The following LIX1L variants were observed in gnomAD, a reference collection of about 807,000 sequenced individuals.
LIX1L encodes the protein LIX1-like protein.
Under a neutral mutation model 34.0 loss-of-function variants are expected in LIX1L, and 20 were observed. The observed-to-expected ratio is 0.59, with a 90% CI of 0.41 to 0.85. The LOEUF (loss-of-function observed/expected upper bound fraction) is 0.85. LIX1L is among the 40% of genes least tolerant of loss of function. The pLI, the probability that LIX1L is intolerant of heterozygous loss-of-function variation, is 0.00. For synonymous variants in LIX1L, 170 were observed against 187.4 expected (o/e 0.91, Z 0.76); for missense variants, 397 against 447.0 (o/e 0.89, Z 1.01).
intron 1 of LIX1L, among the ~76,000 whole-genome samples, chr1:145,951,132 T>C (rs781886664): frequency 6.6e-5 from 10 of 152,162 alleles, no homozygotes; most frequent in Non-Finnish European, 5.9e-5. Context: ...CTGCAACCTC[T>C]ACCTCCCAGG....
chr1:145,957,944 G>A lies in LIX1L; in HGVS notation c.-17C>T. The A allele has an allele frequency of 1.4e-6, 2 of 1,451,360 alleles. No homozygotes were observed. The highest frequency in any genetic ancestry group is 1.8e-6 in the Non-Finnish European group (2 of 1,101,422). 89.9% of individuals were successfully genotyped at this position (1,451,360 alleles called of 1,614,324 possible). ...AGTCTCCATCCCGGCCGCCAATGGAGTAGCGCCCCGGAGCCTGCCAGCCTG... is the reference window on the plus strand; with the variant it reads ...AGTCTCCATCCCGGCCGCCAATGGAATAGCGCCCCGGAGCCTGCCAGCCTG... On this transcript the variant is annotated 5_prime_UTR_variant, in exon 1 of 6. Transcript: ENST00000604000.
At chr1:145,945,496 C>T (rs1325674374) in intron 2 of LIX1L, among the ~76,000 whole-genome samples, 1 of 151,924 alleles carries the variant, frequency 6.6e-6, no homozygotes, top group African/African-American at 2.4e-5. Flanking sequence ...CCTGTAATTC[C>T]AGCACCTTGG....
intron 4 of LIX1L, 136 bp downstream of exon 4, chr1:145,937,468 T>C (rs1385916722): frequency 3.3e-6 from 2 of 605,450 alleles, no homozygotes; most frequent in Admixed American, 2.8e-5. Context: ...CAGGAAGGTA[T>C]TTATTTTTGA....
Position 145,947,623 on chromosome 1 carries a change from A to T in LIX1L, c.452T>A (p.Phe151Tyr), listed in dbSNP as rs1553759380. ...CTGCCACCTCACAACTCTTACCTGG[A>T]AACTCCCAAAGCAGCTTCCCCCAGG... ...TLPGGSCFGS[F>Y]QFCPTKAEAR... Residue 151 changes from phenylalanine (F) to tyrosine (Y), a missense_variant, in exon 2 of 6, where the codon TTC becomes TAC. Transcript: ENST00000604000. 1 of 1,613,836 alleles carries T rather than the reference A, an allele frequency of 6.2e-7. No individual in the cohort carries two copies.
At chr1:145,938,096 T>A (rs12027482) in intron 3 of LIX1L, among the ~76,000 whole-genome samples, 1 of 150,508 alleles carries the variant, frequency 6.6e-6, no homozygotes, top group Non-Finnish European at 1.5e-5. Context: ...CACTCCAGCC[T>A]GGACAACAGA....
Position 145,937,621 on chromosome 1 carries a change from A to G in LIX1L, c.676T>C (p.Ser226Pro). The change falls in exon 4 of 6, where the codon TCA (serine) becomes CCA (proline). Residue 226 changes from serine to proline, a missense_variant. Physicochemically the swap from Ser to Pro is moderately conservative, Grantham distance 74. Transcript: ENST00000604000. ...RFMLESNKGK[S>P]MLEFQELMTV... is the part of the protein sequence containing the mutation. The stretch of plus-strand genomic sequence containing the variant: ...GAAAGTACCTGGAACTCCAACATTG[A>G]TTTGCCCTTGTTGGATTCCAGCATG... 1 of 1,612,394 alleles carries G rather than the reference A, an allele frequency of 6.2e-7. No individual in the cohort carries two copies. The highest frequency in any genetic ancestry group is 8.5e-7 in the Non-Finnish European group (1 of 1,178,618).
intron 2 of LIX1L, among the ~76,000 whole-genome samples, chr1:145,945,194 G>A (rs968305071): frequency 4.6e-5 from 7 of 151,268 alleles, no homozygotes; most frequent in African/African-American, 1.2e-4. Context: ...TGTGGTGGCC[G>A]GAGGCAGAGG....
chr1:145,941,398 G>A (rs919920857), intron 3 of LIX1L, among the ~76,000 whole-genome samples: 24 of 151,522 alleles, frequency 1.6e-4, no homozygotes, highest in African/African-American at 5.6e-4. Context: ...GATTACAGGC[G>A]CCCACCACTG....
At chr1:145,946,686 C>G (rs1649124038) in intron 2 of LIX1L, among the ~76,000 whole-genome samples, 1 of 152,146 alleles carries the variant, frequency 6.6e-6, no homozygotes, top group South Asian at 2.1e-4. Context: ...AGAAGACAAA[C>G]ACAATCTTTG....
At position 145,957,774 on chromosome 1, in the gene LIX1L, G is replaced by T; in HGVS notation, c.154C>A (p.Pro52Thr). 7.4e-7 allele frequency: 1 copy of T among 1,346,190 alleles called. No individual in the cohort carries two copies. The highest frequency in any genetic ancestry group is 9.5e-7 in the Non-Finnish European group (1 of 1,057,456). 83.4% of individuals were successfully genotyped at this position (1,346,190 alleles called of 1,614,324 possible). The stretch of plus-strand genomic sequence containing the variant: ...CCAGACAGGAGCAGCGGCGGCGGGG[G>T]CGGTGCGGGAGGCGGCGGGGCAGGC... ...PPPAPPPPAP[P>T]PPPLLLSGAP... The change falls in exon 1 of 6, where the codon CCC (proline) becomes ACC (threonine). Residue 52 changes from proline (P) to threonine (T), a missense_variant. Around this residue, in one of 3 missense-constraint regions of LIX1L, gnomAD observed 207 missense variants for 205.2 expected, o/e 1.01. Coordinates refer to ENST00000604000, the MANE Select transcript of LIX1L (RefSeq NM_153713.3).
In LIX1L at chr1:145,947,602, C is replaced by T; in HGVS notation, c.456+17G>A. On this transcript the variant is annotated intron_variant, in intron 2 of 5. Transcript: ENST00000604000. ...TCTAAGCATTTACCTTTGCTACTGCCACCTCACAACTCTTACCTGGAAACT... is the reference window on the plus strand; with the variant it reads ...TCTAAGCATTTACCTTTGCTACTGCTACCTCACAACTCTTACCTGGAAACT... The T allele has an allele frequency of 6.2e-7, 1 of 1,612,528 alleles. No individual in the cohort carries two copies. The highest frequency in any genetic ancestry group is 1.3e-5 in the African/African-American group (1 of 75,012).
chr1:145,943,793 TG>T (rs1300912833), intron 2 of LIX1L, among the ~76,000 whole-genome samples: 1 of 151,812 alleles, frequency 6.6e-6, no homozygotes, highest in Non-Finnish European at 1.5e-5. Context: ...CCCAGCACTT[TG>T]GGAGGCCAAG....
intron 2 of LIX1L, among the ~76,000 whole-genome samples, chr1:145,944,041 C>T (rs1052584767): frequency 2.7e-5 from 4 of 150,468 alleles, no homozygotes; most frequent in Non-Finnish European, 5.9e-5. Context: ...GACTCTGTCT[C>T]TAAAAGAAAA....
In LIX1L at chr1:145,933,536, A is replaced by G. The variant is rs1228636364; in HGVS notation, c.*2774T>C. The G allele has an allele frequency of 6.6e-6, 1 of 152,202 alleles. No homozygotes were observed. The highest frequency in any genetic ancestry group is 2.4e-5 in the African/African-American group (1 of 41,450). The allele number at this position is 152,202 out of a possible 1,614,324, so 9.4% of individuals were successfully genotyped here. On this transcript the variant is annotated 3_prime_UTR_variant, in exon 6 of 6. Transcript: ENST00000604000. The stretch of plus-strand genomic sequence containing the variant: ...ACCAGAAGTGGACAGATCAGGAAAC[A>G]ATTTTTCTCAAGTTATTTGGGATCT...
chr1:145,952,687 C>T (rs1400049240), intron 1 of LIX1L, among the ~76,000 whole-genome samples: 2 of 151,990 alleles, frequency 1.3e-5, no homozygotes, highest in African/African-American at 2.4e-5. Flanking sequence ...TCTTGGCTCA[C>T]GGCAACCTCC....
At chr1:145,945,489 G>A (rs1649067557) in intron 2 of LIX1L, among the ~76,000 whole-genome samples, 1 of 152,062 alleles carries the variant, frequency 6.6e-6, no homozygotes, top group Admixed American at 6.6e-5. Flanking sequence ...GCTCACGCCT[G>A]TAATTCCAGC....
Position 145,958,006 on chromosome 1 carries a change from G to A in LIX1L, c.-79C>T. The A allele has an allele frequency of 9.7e-7, 1 of 1,029,756 alleles. No homozygotes were observed. Among genetic ancestry groups the A allele is most frequent in the Non-Finnish European group, 1.3e-6 (1 of 769,090 alleles). 63.8% of individuals were successfully genotyped at this position (1,029,756 alleles called of 1,614,324 possible). ...GTCCCAACCACCCCAGTCAGCTAGC[G>A]CCTGGGGACTCAGGGCGGTGCCAGG... On this transcript the variant is annotated 5_prime_UTR_variant, in exon 1 of 6. Coordinates refer to ENST00000604000, the MANE Select transcript of LIX1L (RefSeq NM_153713.3).
chr1:145,936,568 A>G lies in LIX1L; in HGVS notation c.772-16T>C, dbSNP rs1648654236. The G allele has an allele frequency of 1.2e-6, 2 of 1,613,684 alleles. No individual in the cohort carries two copies. Among genetic ancestry groups the G allele is most frequent in the Non-Finnish European group, 1.7e-6 (2 of 1,179,886 alleles). ...CCAACACCTCCTAGTAGGGGAGGGG[A>G]ATGTGAACATCATTGAGAAGGTAAA... On this transcript the variant is annotated splice_polypyrimidine_tract_variant and intron_variant, in intron 5 of 5. Transcript: ENST00000604000.
intron 3 of LIX1L, among the ~76,000 whole-genome samples, chr1:145,938,584 CT>C (rs56063107): frequency 0.09 from 13,076 of 145,830 alleles, 1,723 homozygotes; most frequent in African/African-American, 0.3. Context: ...TAAAAATTTC[CT>C]TTTTTTTTTT....
Sources: gnomAD v4.1 joint callset for allele counts (sites outside exome capture counted in the v4.1 genomes callset) on GRCh38, gnomAD v4.1.1 for gene constraint, gnomAD v4.1.1 regional missense constraint, MANE v1.5 for transcripts, NCBI Gene and HGNC (gene_info 2026-07-23, HGNC 2026-07-21) for gene names.